Variants in KCNH1 observed in about 807,000 individuals in gnomAD.
The protein encoded by KCNH1 is voltage-gated delayed rectifier potassium channel KCNH1.
KCNH1 carries 27 observed loss-of-function variants against 69.2 expected under a neutral mutation model. The ratio of observed to expected loss-of-function variants is 0.39; its 90% confidence interval spans 0.29 to 0.54. The LOEUF is 0.54. KCNH1 is among the 20% of genes least tolerant of loss of function. The pLI is 0.68. For missense variants in KCNH1, 798 were observed against 1,261.6 expected (o/e 0.63, Z 5.57); for synonymous variants, 456 against 487.7 (o/e 0.93, Z 0.86).
At chr1:210,715,972 AAGT>A (rs1682224029) in intron 10 of KCNH1, among the ~76,000 whole-genome samples, 1 of 152,248 alleles carries the variant, frequency 6.6e-6, no homozygotes, top group Non-Finnish European at 1.5e-5. Context: ...ATACAAAGGA[AAGT>A]AGATCCTGGG....
chr1:210,996,267 AT>A (rs755155659), intron 6 of KCNH1, among the ~76,000 whole-genome samples: 82 of 152,258 alleles, frequency 5.4e-4, no homozygotes, highest in Non-Finnish European at 9.3e-4. Flanking sequence ...CACCTGGAAA[AT>A]CGGGTCACTC....
chr1:210,894,047 G>A (rs116243781), intron 7 of KCNH1, among the ~76,000 whole-genome samples: 2,721 of 152,180 alleles, frequency 0.018, 84 homozygotes, highest in African/African-American at 0.061. Context: ...AACCTGTAAC[G>A]GTTGAGTCAG....
intron 7 of KCNH1, among the ~76,000 whole-genome samples, chr1:210,835,236 C>T (rs1685256753): frequency 6.6e-6 from 1 of 152,144 alleles, no homozygotes; most frequent in African/African-American, 2.4e-5. Context: ...CACTAAGCCT[C>T]TTAGTCATCT....
At chr1:210,874,016 C>A (rs1038515610) in intron 7 of KCNH1, among the ~76,000 whole-genome samples, 1 of 152,132 alleles carries the variant, frequency 6.6e-6, no homozygotes, top group Non-Finnish European at 1.5e-5. Flanking sequence ...ATTAATTTAG[C>A]CCTGCGCACG....
At chr1:210,792,519 TG>T (rs1158013758) in intron 9 of KCNH1, among the ~76,000 whole-genome samples, 1 of 152,154 alleles carries the variant, frequency 6.6e-6, no homozygotes, top group African/African-American at 2.4e-5. Context: ...TGATGCAGTG[TG>T]ATAGGCTTAA....
chr1:210,920,645 A>G, intron 6 of KCNH1, among the ~76,000 whole-genome samples: 1 of 146,472 alleles, frequency 6.8e-6, no homozygotes, highest in East Asian at 1.9e-4. Flanking sequence ...TAATTTCTAT[A>G]TTACTTTTAT....
intron 7 of KCNH1, among the ~76,000 whole-genome samples, chr1:210,816,292 A>G (rs1291609268): frequency 6.6e-6 from 1 of 152,190 alleles, no homozygotes; most frequent in Middle Eastern, 3.2e-3. Flanking sequence ...ATGTCACTTA[A>G]CAAGCACAGT....
intron 1 of KCNH1, among the ~76,000 whole-genome samples, chr1:211,126,482 C>A (rs563766256): frequency 6.6e-6 from 1 of 150,644 alleles, no homozygotes; most frequent in African/African-American, 2.4e-5. Context: ...TGCATTCCAG[C>A]CTGGGTGACA....
At chr1:210,951,830 C>T (rs1264042171) in intron 6 of KCNH1, among the ~76,000 whole-genome samples, 1 of 152,108 alleles carries the variant, frequency 6.6e-6, no homozygotes, top group Non-Finnish European at 1.5e-5. Context: ...TCTCCTTCAT[C>T]CTGTTAAATG....
At chr1:210,808,736 C>T (rs977595004) in intron 7 of KCNH1, among the ~76,000 whole-genome samples, 1 of 151,926 alleles carries the variant, frequency 6.6e-6, no homozygotes, top group South Asian at 2.1e-4. Context: ...TTTTCATGCA[C>T]GTAACGTTTA....
intron 1 of KCNH1, among the ~76,000 whole-genome samples, chr1:211,114,889 T>A (rs34210258): frequency 0.11 from 16,357 of 152,210 alleles, 1,194 homozygotes; most frequent in South Asian, 0.22. Context: ...AATGGAAATA[T>A]ATCCCATGTT....
chr1:210,813,241 G>C (rs961289318), intron 7 of KCNH1, among the ~76,000 whole-genome samples: 5 of 152,150 alleles, frequency 3.3e-5, no homozygotes, highest in African/African-American at 1.2e-4. Context: ...CCTTTTAATT[G>C]CACAGACTCA....
At chr1:211,124,313 AT>A (rs1309554578) in intron 1 of KCNH1, among the ~76,000 whole-genome samples, 1 of 152,190 alleles carries the variant, frequency 6.6e-6, no homozygotes, top group Non-Finnish European at 1.5e-5. Flanking sequence ...CTAAGTGCAC[AT>A]CCCCTCACCA....
intron 5 of KCNH1, among the ~76,000 whole-genome samples, chr1:211,047,405 G>T (rs980446525): frequency 6.6e-6 from 1 of 152,192 alleles, no homozygotes; most frequent in South Asian, 2.1e-4. Flanking sequence ...GGGAGGTGGG[G>T]AATGGGCAGG....
At chr1:210,975,586 T>A (rs142976635) in intron 6 of KCNH1, among the ~76,000 whole-genome samples, 4 of 152,166 alleles carry the variant, frequency 2.6e-5, no homozygotes, top group African/African-American at 7.2e-5. Flanking sequence ...TTACACCTTA[T>A]ACAACAATTA....
chr1:211,064,685 G>C (rs1690496464), intron 5 of KCNH1, among the ~76,000 whole-genome samples: 1 of 151,926 alleles, frequency 6.6e-6, no homozygotes, highest in South Asian at 2.1e-4. Context: ...GAAACAATCA[G>C]CAAAGTGAAG....
At chr1:210,975,934 G>A (rs1008975806) in intron 6 of KCNH1, among the ~76,000 whole-genome samples, 34 of 152,124 alleles carry the variant, frequency 2.2e-4, no homozygotes, top group African/African-American at 8.2e-4. Flanking sequence ...TCAAAAAGTA[G>A]GCGAAGGATA....
chr1:211,120,684 GT>G (rs1485976544), intron 1 of KCNH1, among the ~76,000 whole-genome samples: 1 of 152,050 alleles, frequency 6.6e-6, no homozygotes, highest in African/African-American at 2.4e-5. Context: ...AAAAAGAGGG[GT>G]TTTTTGGTAA....
At position 211,090,951 on chromosome 1, in the gene KCNH1, A is replaced by C. The variant is rs143862517; in HGVS notation, c.311-261T>G. ...TCTCTTAACTTGTAAAGTGGTTAGG[A>C]AATAGGTTGAGAACCCCACCAGATG... On this transcript the variant is annotated intron_variant, in intron 3 of 10. Coordinates refer to ENST00000271751, the MANE Select transcript of KCNH1 (RefSeq NM_172362.3). 1.3e-3 allele frequency among the ~76,000 whole-genome samples: 203 copies of C among 152,276 alleles called. 1 individual carries two copies. The highest frequency in any genetic ancestry group is 4.7e-3 in the African/African-American group (197 of 41,556).
Sources: gnomAD v4.1 joint callset for allele counts (sites outside exome capture counted in the v4.1 genomes callset) on GRCh38, gnomAD v4.1.1 for gene constraint, MANE v1.5 for transcripts, NCBI Gene and HGNC (gene_info 2026-07-23, HGNC 2026-07-21) for gene names.